TEX2: variants seen among roughly 807,000 people sequenced by gnomAD.
The protein encoded by TEX2 is testis-expressed protein 2.
Under a neutral mutation model 106.9 loss-of-function variants are expected in TEX2, and 53 were observed. The observed-to-expected ratio is 0.50, with a 90% CI of 0.40 to 0.62. The LOEUF (loss-of-function observed/expected upper bound fraction) is 0.62. Ranked by LOEUF, TEX2 falls within the 20% of genes least tolerant of loss-of-function variation. The pLI, the probability that TEX2 is intolerant of heterozygous loss-of-function variation, is 0.00. For missense variants in TEX2, 1,207 were observed against 1,379.0 expected, an observed-to-expected ratio of 0.88 and a Z score of 1.98; for synonymous variants, 523 against 534.8, an observed-to-expected ratio of 0.98 and a Z score of 0.30.
chr17:64,185,621 GA>G lies in TEX2; in HGVS notation c.2424+2546del, dbSNP rs1029054787. On this transcript the variant is annotated intron_variant, in intron 5 of 11. Coordinates refer to ENST00000584379, the MANE Select transcript of TEX2 (RefSeq NM_001288732.2). This position sits in a 1 kb window ranked among gnomAD's most constrained non-coding sequence, Gnocchi z 4.0. ...CAGAGTGAGACTCCAACTAAAAAAA[GA>G]AAAAAAAAATTTCATCAGAGGCCAG... Among the ~76,000 whole-genome samples, 23 of 149,656 alleles carry G rather than the reference GA, an allele frequency of 1.5e-4. No individual in the cohort carries two copies. In the East Asian group the frequency reaches 2.5e-3, roughly 17 times the overall value.
In TEX2 at chr17:64,171,139, T is replaced by C. The variant is rs1251539778; in HGVS notation, c.2632A>G (p.Lys878Glu). 1.2e-6 allele frequency: 2 copies of C among 1,614,058 alleles called. No homozygotes were observed. The highest frequency in any genetic ancestry group is 1.1e-5 in the South Asian group (1 of 91,074). The change falls in exon 7 of 12, where the codon AAA becomes GAA. Residue 878 changes from lysine to glutamate, a missense_variant. This residue lies in a region of TEX2 where 1,067 missense variants were observed against 1,193.6 expected (regional missense o/e 0.89). Coordinates refer to ENST00000584379, the MANE Select transcript of TEX2 (RefSeq NM_001288732.2). The part of the protein sequence containing the change: ...TELDMGVAVP[K>E]ILQAFKPYVD... ...TAAGGCTTGAAGGCCTGGAGGATTT[T>C]TGGCACAGCCACGCCCATGTCAAGT...
intron 1 of TEX2, among the ~76,000 whole-genome samples, chr17:64,262,507 C>T (rs1272104159): frequency 3.3e-5 from 5 of 152,230 alleles, no homozygotes. Context: ...CCGGTTCCAC[C>T]GTATGGTTTC....
chr17:64,234,743 C>T (rs1361904850), intron 1 of TEX2, among the ~76,000 whole-genome samples: 7 of 152,178 alleles, frequency 4.6e-5, no homozygotes, highest in African/African-American at 1.7e-4. Flanking sequence ...TAATTAACCA[C>T]ACTGCTCTCT....
At chr17:64,218,417 T>C (rs2033252893) in intron 1 of TEX2, among the ~76,000 whole-genome samples, 2 of 30,232 alleles carry the variant, frequency 6.6e-5, no homozygotes, top group Non-Finnish European at 1.0e-4. Context: ...TTTTTTTTTT[T>C]TTTTTTTTTT....
intron 1 of TEX2, among the ~76,000 whole-genome samples, chr17:64,222,183 T>C (rs1217499189): frequency 6.6e-6 from 1 of 152,172 alleles, no homozygotes; most frequent in East Asian, 1.9e-4. Context: ...TAATTAAAAA[T>C]AAAATTTGAA....
At chr17:64,207,688 C>T (rs1338324981) in intron 2 of TEX2, among the ~76,000 whole-genome samples, 6 of 152,062 alleles carry the variant, frequency 3.9e-5, no homozygotes, top group African/African-American at 1.4e-4. Flanking sequence ...AAATCTGGAA[C>T]TCATCACTGC....
intron 5 of TEX2, among the ~76,000 whole-genome samples, chr17:64,178,908 CGTT>C (rs2031724504): frequency 6.6e-6 from 1 of 152,232 alleles, no homozygotes; most frequent in African/African-American, 2.4e-5. Context: ...GTGGTGCACA[CGTT>C]GTTGCTTGGT....
chr17:64,243,641 C>A (rs1433189393), intron 1 of TEX2, among the ~76,000 whole-genome samples: 1 of 152,120 alleles, frequency 6.6e-6, no homozygotes, highest in Non-Finnish European at 1.5e-5. Flanking sequence ...GTAACAGCAG[C>A]AAACTTTCTC....
At chr17:64,240,981 AT>A (rs1321695550) in intron 1 of TEX2, among the ~76,000 whole-genome samples, 1 of 152,138 alleles carries the variant, frequency 6.6e-6, no homozygotes, top group Non-Finnish European at 1.5e-5. Flanking sequence ...AAGACTTAGA[AT>A]TTTGTGACTC....
intron 5 of TEX2, among the ~76,000 whole-genome samples, chr17:64,179,839 C>T (rs4968698): frequency 0.53 from 79,942 of 151,884 alleles, 22,890 homozygotes; most frequent in East Asian, 0.82. Flanking sequence ...ATCTGCTTCA[C>T]CCTTCTTAAT....
chr17:64,222,663 A>C (rs2033392699), intron 1 of TEX2, among the ~76,000 whole-genome samples: 1 of 152,092 alleles, frequency 6.6e-6, no homozygotes, highest in South Asian at 2.1e-4. Context: ...AAAAGATTTC[A>C]CTCTTCAAAA....
intron 1 of TEX2, among the ~76,000 whole-genome samples, chr17:64,231,847 C>T (rs1385049841): frequency 6.6e-6 from 1 of 152,170 alleles, no homozygotes; most frequent in East Asian, 1.9e-4. Flanking sequence ...CTCATAGGGG[C>T]TGCTGGGAGA....
intron 1 of TEX2, among the ~76,000 whole-genome samples, chr17:64,231,992 C>T (rs1478392948): frequency 6.6e-6 from 1 of 152,232 alleles, no homozygotes; most frequent in African/African-American, 2.4e-5. Context: ...AGCTTGTTTC[C>T]AGCCTTCTCT....
At chr17:64,165,780 A>G (rs2031105235) in intron 7 of TEX2, among the ~76,000 whole-genome samples, 1 of 152,198 alleles carries the variant, frequency 6.6e-6, no homozygotes, top group Non-Finnish European at 1.5e-5. Flanking sequence ...ACGTGGGTTA[A>G]GGTCTGGAAT....
chr17:64,158,820 T>C (rs2030752676), intron 8 of TEX2, among the ~76,000 whole-genome samples: 1 of 152,210 alleles, frequency 6.6e-6, no homozygotes, highest in Non-Finnish European at 1.5e-5. Flanking sequence ...CTGGGCCTTT[T>C]TCTCCCAAAT....
At chr17:64,236,740 T>C (rs1204225891) in intron 1 of TEX2, among the ~76,000 whole-genome samples, 11 of 152,234 alleles carry the variant, frequency 7.2e-5, no homozygotes, top group Non-Finnish European at 2.9e-5. Context: ...TAGTTAAAGA[T>C]AAACTCTTAT....
In TEX2 at chr17:64,160,863, C is replaced by A; in HGVS notation, c.2742G>T (p.Leu914Phe). Residue 914 changes from leucine to phenylalanine, a missense_variant, in exon 8 of 12, where the codon TTG becomes TTT. Physicochemically the swap from Leu to Phe is conservative, Grantham distance 22. This residue lies in a region of TEX2 where 1,067 missense variants were observed against 1,193.6 expected (regional missense o/e 0.89). Transcript: ENST00000584379. ...CAAGAGGCTCTTTACCTAGTTTGGT[C>A]AAATTCATTTTGGTCTCGAGAGTCA... ...FLMTLETKMN[L>F]TKLGKEPLVE... 6.2e-7 allele frequency: 1 copy of A among 1,614,094 alleles called. No individual in the cohort carries two copies. The highest frequency in any genetic ancestry group is 1.1e-5 in the South Asian group (1 of 91,068).
intron 1 of TEX2, among the ~76,000 whole-genome samples, chr17:64,257,947 T>C (rs966589235): frequency 6.6e-6 from 1 of 151,914 alleles, no homozygotes; most frequent in East Asian, 1.9e-4. Context: ...AGTCTCGCTC[T>C]GTCGCCCAGG....
intron 2 of TEX2, among the ~76,000 whole-genome samples, chr17:64,203,396 T>C (rs1241586868): frequency 6.6e-6 from 1 of 152,258 alleles, no homozygotes; most frequent in African/African-American, 2.4e-5. Flanking sequence ...AGGCCCCTCC[T>C]GTTGAAAATC....
Sources: gnomAD v4.1 joint callset for allele counts (sites outside exome capture counted in the v4.1 genomes callset) on GRCh38, gnomAD v4.1.1 for gene constraint, gnomAD v4.1.1 regional missense constraint, Gnocchi (gnomAD v3.1) non-coding constraint, MANE v1.5 for transcripts, NCBI Gene and HGNC (gene_info 2026-07-23, HGNC 2026-07-21) for gene names.